CHCHD3: variants seen among roughly 807,000 people sequenced by gnomAD.
CHCHD3 encodes coiled-coil-helix-coiled-coil-helix domain containing 3.
In CHCHD3, 20 loss-of-function variants were observed where a neutral mutation model predicts 38.2. The observed-to-expected ratio is 0.52, with a 90% CI of 0.37 to 0.76. The LOEUF (loss-of-function observed/expected upper bound fraction) is 0.76, where lower values mean the gene tolerates loss of function less well. Ranked by LOEUF, CHCHD3 falls within the 30% of genes least tolerant of loss-of-function variation. CHCHD3 has a pLI of 0.00. For missense variants in CHCHD3, 245 were observed against 279.2 expected, an observed-to-expected ratio of 0.88 and a Z score of 0.87; for synonymous variants, 82 against 100.0, an observed-to-expected ratio of 0.82 and a Z score of 1.07.
At chr7:132,899,828 C>T (rs1809619078) in intron 4 of CHCHD3, among the ~76,000 whole-genome samples, 1 of 152,202 alleles carries the variant, frequency 6.6e-6, no homozygotes, top group African/African-American at 2.4e-5. Context: ...ATATCTAAGA[C>T]CCCTCTAACA....
At chr7:132,917,744 A>G (rs1810145282) in intron 4 of CHCHD3, among the ~76,000 whole-genome samples, 1 of 149,756 alleles carries the variant, frequency 6.7e-6, no homozygotes, top group African/African-American at 2.5e-5. Context: ...CTGTAGTCCC[A>G]GTTACTCGGG....
chr7:132,825,868 C>T (rs973323521), intron 6 of CHCHD3, among the ~76,000 whole-genome samples: 4 of 151,842 alleles, frequency 2.6e-5, no homozygotes, highest in Non-Finnish European at 5.9e-5. Context: ...CTCTCTTCTC[C>T]TCCTTGCCAA....
intron 4 of CHCHD3, among the ~76,000 whole-genome samples, chr7:132,965,069 G>GTGTA (rs1291983101): frequency 2.6e-5 from 4 of 151,724 alleles, no homozygotes. Context: ...ATGTGTGTGT[G>GTGTA]TGTGTGTGTG....
intron 6 of CHCHD3, among the ~76,000 whole-genome samples, chr7:132,813,937 A>T (rs904005713): frequency 4.6e-5 from 7 of 152,236 alleles, no homozygotes; most frequent in Non-Finnish European, 1.5e-5. Flanking sequence ...GGGGAGCAAC[A>T]GTCCACCCTA....
intron 3 of CHCHD3, among the ~76,000 whole-genome samples, chr7:133,006,014 C>T (rs1744637710): frequency 6.6e-6 from 1 of 152,176 alleles, no homozygotes; most frequent in African/African-American, 2.4e-5. Context: ...TTTGTATGTA[C>T]AGACAACTAA....
At chr7:132,889,152 T>C (rs139435841) in intron 4 of CHCHD3, among the ~76,000 whole-genome samples, 1 of 152,036 alleles carries the variant, frequency 6.6e-6, no homozygotes. Context: ...TATTAACAAT[T>C]CAAAAAATTT....
intron 6 of CHCHD3, among the ~76,000 whole-genome samples, chr7:132,812,795 A>G (rs1250711002): frequency 2.6e-5 from 4 of 152,176 alleles, no homozygotes; most frequent in African/African-American, 9.7e-5. Flanking sequence ...TAGGTCCTAC[A>G]AGATGTAACC....
At chr7:133,029,958 T>C (rs1813454952) in intron 2 of CHCHD3, among the ~76,000 whole-genome samples, 2 of 149,300 alleles carry the variant, frequency 1.3e-5, no homozygotes, top group Non-Finnish European at 3.0e-5. Context: ...TTTTGGTCCA[T>C]AAAGGAGCCA....
intron 7 of CHCHD3, 25 bp downstream of exon 7, chr7:132,796,417 C>A (rs1806613898): frequency 6.2e-7 from 1 of 1,612,480 alleles, no homozygotes; most frequent in Non-Finnish European, 8.5e-7. Context: ...CCCAGTGCCC[C>A]CAGTGGCCTG....
At chr7:132,990,656 G>A (rs1489390758) in intron 3 of CHCHD3, among the ~76,000 whole-genome samples, 1 of 152,120 alleles carries the variant, frequency 6.6e-6, no homozygotes, top group Non-Finnish European at 1.5e-5. Flanking sequence ...CATTTACATT[G>A]TTTTGCACTT....
chr7:133,061,600 C>T (rs1814517787), intron 2 of CHCHD3, among the ~76,000 whole-genome samples: 4 of 152,146 alleles, frequency 2.6e-5, no homozygotes, highest in Admixed American at 2.6e-4. Flanking sequence ...GGGTTGGTTG[C>T]TGGCAGCCGT....
At chr7:132,956,061 G>C (rs765968081) in intron 4 of CHCHD3, among the ~76,000 whole-genome samples, 3 of 152,198 alleles carry the variant, frequency 2.0e-5, no homozygotes, top group African/African-American at 7.2e-5. Flanking sequence ...TCTTTGTCAG[G>C]CTTCATCCAG....
chr7:132,985,779 C>CG (rs1281223867), intron 3 of CHCHD3, among the ~76,000 whole-genome samples: 1,337 of 60,142 alleles, frequency 0.022, 154 homozygotes, highest in African/African-American at 0.076. Flanking sequence ...GGGAGGGAGG[C>CG]GGGGGGGTCA....
chr7:133,042,198 C>G (rs1813852585), intron 2 of CHCHD3, among the ~76,000 whole-genome samples: 1 of 152,134 alleles, frequency 6.6e-6, no homozygotes, highest in South Asian at 2.1e-4. Context: ...TACATATTCA[C>G]TTAAAAGCAA....
At chr7:132,907,653 C>T (rs1809829856) in intron 4 of CHCHD3, among the ~76,000 whole-genome samples, 1 of 152,142 alleles carries the variant, frequency 6.6e-6, no homozygotes, top group Non-Finnish European at 1.5e-5. Context: ...GTCTGGACTT[C>T]ATCCTGTAGG....
chr7:132,875,923 C>T (rs918933981), intron 5 of CHCHD3, among the ~76,000 whole-genome samples: 4 of 152,156 alleles, frequency 2.6e-5, no homozygotes, highest in African/African-American at 4.8e-5. Context: ...ATGTTATGAG[C>T]TAATATTATT....
chr7:132,936,019 A>G (rs1436855351), intron 4 of CHCHD3, among the ~76,000 whole-genome samples: 1 of 152,186 alleles, frequency 6.6e-6, no homozygotes. Context: ...AACAGCAGTA[A>G]TCCATTCACG....
At chr7:132,944,032 C>T (rs910530248) in intron 4 of CHCHD3, among the ~76,000 whole-genome samples, 1 of 152,082 alleles carries the variant, frequency 6.6e-6, no homozygotes, top group Non-Finnish European at 1.5e-5. Context: ...TGAGCTCCTA[C>T]TAGCATGCAT....
chr7:132,977,610 T>C (rs1461413227), intron 3 of CHCHD3, among the ~76,000 whole-genome samples: 1 of 152,236 alleles, frequency 6.6e-6, no homozygotes, highest in Non-Finnish European at 1.5e-5. Flanking sequence ...CTATCATTTA[T>C]GGATCAACTA....
Sources: gnomAD v4.1 joint callset for allele counts (sites outside exome capture counted in the v4.1 genomes callset) on GRCh38, gnomAD v4.1.1 for gene constraint, MANE v1.5 for transcripts, NCBI Gene and HGNC (gene_info 2026-07-23, HGNC 2026-07-21) for gene names.